The following DUOX2 variants were observed in gnomAD, a reference collection of about 807,000 sequenced individuals.
DUOX2 encodes dual oxidase 2.
A neutral mutation model predicts 183.3 loss-of-function variants in DUOX2; 185 were observed. That is an observed-to-expected ratio of 1.01 (90% confidence interval 0.90 to 1.14). The LOEUF is 1.14. Ranked by LOEUF, DUOX2 falls within the 50% of genes most tolerant of loss-of-function variation. The pLI, the probability that DUOX2 is intolerant of heterozygous loss-of-function variation, is 0.00. For synonymous variants in DUOX2, 788 were observed against 812.4 expected, an observed-to-expected ratio of 0.97 and a Z score of 0.51; for missense variants, 1,999 against 2,022.9, an observed-to-expected ratio of 0.99 and a Z score of 0.23.
chr15:45,095,821 C>T lies in DUOX2; in HGVS notation c.4080+7G>A, dbSNP rs115310278. 1.5e-3 allele frequency: 2,376 copies of T among 1,611,952 alleles called. 14 individuals carry two copies. The African/African-American group carries it at 0.023, about 15-fold the overall frequency. ...GGCCCGGAAGCAGGGTTCCCAGTGACGGGCACCTTTGGGTATCCAGCACAG... is the reference window on the plus strand; with the variant it reads ...GGCCCGGAAGCAGGGTTCCCAGTGATGGGCACCTTTGGGTATCCAGCACAG... On this transcript the variant is annotated splice_region_variant and intron_variant, in intron 30 of 33. Transcript: ENST00000389039.
chr15:45,097,687 G>C lies in DUOX2; in HGVS notation c.3620C>G (p.Ser1207Cys), dbSNP rs1185812642. 1.9e-6 allele frequency: 3 copies of C among 1,614,196 alleles called. No homozygotes were observed. Among genetic ancestry groups the C allele is most frequent in the African/African-American group, 1.3e-5 (1 of 75,042 alleles). Residue 1207 changes from serine (S) to cysteine (C), a missense_variant, in exon 28 of 34, where the codon TCC becomes TGC. Ser to Cys is a moderately radical substitution (Grantham distance 112). This residue lies in a region of DUOX2 where 1,628 missense variants were observed against 1,608.6 expected (regional missense o/e 1.01). Transcript: ENST00000389039. ...LVLAIMYVFA[S>C]HHFRRRSFRG... ...GAAGCTGCGGCGGCGGAAGTGGTGG[G>C]AGGCGAAGACATACATGATGGCCAG...
At chr15:45,109,668 A>G in intron 10 of DUOX2, 42 bp from the exon 11 acceptor site, 1 of 1,600,196 alleles carries the variant, frequency 6.2e-7, no homozygotes, top group Non-Finnish European at 8.6e-7. Context: ...TCTACCCAAA[A>G]CTCGGTCTCT....
intron 15 of DUOX2, 54 bp from the exon 16 acceptor site, chr15:45,106,695 C>A: frequency 6.2e-7 from 1 of 1,610,804 alleles, no homozygotes; most frequent in Middle Eastern, 1.7e-4. Context: ...TAGAGCTCCA[C>A]TGTGGCTTAG....
At chr15:45,095,656 C>T (rs558245016) in intron 30 of DUOX2, 61 bp from the exon 31 acceptor site, 180 of 1,610,614 alleles carry the variant, frequency 1.1e-4, no homozygotes, top group African/African-American at 1.7e-4. Flanking sequence ...AGACCAGAAA[C>T]GGAGACACAG....
intron 31 of DUOX2, 145 bp downstream of exon 31, chr15:45,095,292 G>A: frequency 1.4e-6 from 2 of 1,434,944 alleles, no homozygotes; most frequent in South Asian, 1.2e-5. Context: ...CTCCCTCCAA[G>A]TTTGGCATCT....
intron 29 of DUOX2, among the ~76,000 whole-genome samples, chr15:45,096,330 C>T (rs1032358384): frequency 1.3e-5 from 2 of 152,116 alleles, no homozygotes; most frequent in Non-Finnish European, 2.9e-5. Flanking sequence ...ATACCACTGC[C>T]TTGAATACCA....
chr15:45,109,713 G>C, intron 10 of DUOX2, 87 bp from the exon 11 acceptor site: 2 of 1,446,074 alleles, frequency 1.4e-6, no homozygotes, highest in Non-Finnish European at 1.9e-6. Flanking sequence ...CCAGGACAAA[G>C]GGCCCTTGGC....
Position 45,108,094 on chromosome 15 carries a change from T to A in DUOX2, c.1527A>T (p.Val509=). The A allele has an allele frequency of 1.9e-6, 3 of 1,614,018 alleles. No individual in the cohort carries two copies. Among genetic ancestry groups the A allele is most frequent in the African/African-American group, 1.3e-5 (1 of 75,004 alleles). Residue 509 remains valine, a synonymous_variant, in exon 13 of 34, where the codon GTA becomes GTT. Transcript: ENST00000389039. The stretch of plus-strand genomic sequence containing the variant: ...AGTAGCGGTCACCATCCCGCAGCCG[T>A]ACAAACTGGTCGAGGACAATGGCAC... ...LFSAIVLDQF[V]RLRDGDRYWF... is the part of the protein sequence containing the mutation.
At chr15:45,109,310 A>G (rs1894314632) in intron 11 of DUOX2, 1 of 609,700 alleles carries the variant, frequency 1.6e-6, no homozygotes, top group African/African-American at 1.9e-5. Context: ...ATACTCAGAC[A>G]TAGTTAATTT....
chr15:45,112,063 G>T, intron 4 of DUOX2, 108 bp from the exon 5 acceptor site: 1 of 1,336,366 alleles, frequency 7.5e-7, no homozygotes, highest in Non-Finnish European at 1.0e-6. Context: ...AGGTCCCAGT[G>T]CCAGCTCCGC....
Position 45,101,223 on chromosome 15 carries a change from G to C in DUOX2, c.2903C>G (p.Thr968Ser), listed in dbSNP as rs1219527413. 8 of 1,613,708 alleles carry C rather than the reference G, an allele frequency of 5.0e-6. No homozygotes were observed. The highest frequency in any genetic ancestry group is 6.8e-6 in the Non-Finnish European group (8 of 1,179,950). The change falls in exon 22 of 34, where the codon ACT becomes AGT. Residue 968 changes from threonine (T) to serine (S), a missense_variant. Thr to Ser is a moderately conservative substitution (Grantham distance 58, BLOSUM62 1). This residue lies in a region of DUOX2 where 1,628 missense variants were observed against 1,608.6 expected (regional missense o/e 1.01). Coordinates refer to ENST00000389039, the MANE Select transcript of DUOX2 (RefSeq NM_001363711.2). ...QNISCRVSFI[T>S]RTPGERSHPQ... is the part of the protein sequence containing the mutation. ...TGCTCACCGCTCCCCAGGTGTCCGA[G>C]TGATGAACGAGACTCGACAGCTGAT... is the stretch of plus-strand genomic sequence containing the variant.
chr15:45,113,232 C>A, intron 2 of DUOX2, 110 bp downstream of exon 2: 3 of 1,461,842 alleles, frequency 2.1e-6, no homozygotes, highest in South Asian at 2.4e-5. Flanking sequence ...CGCTGAGCTG[C>A]ACGGCGAAAT....
chr15:45,109,093 G>A (rs1250630513), intron 11 of DUOX2, 141 bp from the exon 12 acceptor site: 2 of 1,162,122 alleles, frequency 1.7e-6, no homozygotes, highest in Non-Finnish European at 2.5e-6. Flanking sequence ...TGCCCATGCT[G>A]ACCTTGCCTT....
At chr15:45,100,974 G>A (rs1894066808) in intron 22 of DUOX2, 136 bp from the exon 23 acceptor site, 1 of 693,338 alleles carries the variant, frequency 1.4e-6, no homozygotes, top group Non-Finnish European at 2.6e-6. Context: ...GAATTAATAG[G>A]ATCTCATGAT....
intron 27 of DUOX2, 85 bp from the exon 28 acceptor site, chr15:45,097,826 C>T: frequency 6.2e-7 from 1 of 1,605,500 alleles, no homozygotes; most frequent in South Asian, 1.1e-5. Flanking sequence ...CCTATCCTTC[C>T]CTCCTTCCTC....
chr15:45,109,352 G>T, intron 11 of DUOX2, 172 bp downstream of exon 11: 1 of 611,872 alleles, frequency 1.6e-6, no homozygotes, highest in African/African-American at 2.1e-5. Flanking sequence ...TGTAAATTAA[G>T]CAAAAAAAAA....
In DUOX2 at chr15:45,094,482, C is replaced by T. The variant is rs1231271413; in HGVS notation, c.4524+81G>A. 55 of 1,560,316 alleles carry T rather than the reference C, an allele frequency of 3.5e-5. No individual in the cohort carries two copies. The East Asian group carries it at 1.2e-3, about 35-fold the overall frequency. ...ATCGGGTGGAGTTCTCTGCTCAGAA[C>T]AGAGTGGCAGGGTGCTTCAGGGCCA... is the stretch of plus-strand genomic sequence containing the variant. On this transcript the variant is annotated intron_variant, in intron 33 of 33. Coordinates refer to ENST00000389039, the MANE Select transcript of DUOX2 (RefSeq NM_001363711.2).
In DUOX2 at chr15:45,111,549, T is replaced by C. The variant is rs990939889; in HGVS notation, c.550A>G (p.Ile184Val). The stretch of plus-strand genomic sequence containing the variant: ...CTCCAGGAGTGCGAGGAGCCATAGA[T>C]GGCGCTGCCGTCCAGCCAGCCCGTC... ...QVTGWLDGSAIYGSSHSWSDA... is the reference protein window; with the variant it reads ...QVTGWLDGSAVYGSSHSWSDA... Residue 184 changes from isoleucine to valine, a missense_variant, in exon 6 of 34, where the codon ATC (isoleucine) becomes GTC (valine). Ile to Val is a conservative substitution (Grantham distance 29). This residue lies in a region of DUOX2 where 356 missense variants were observed against 356.4 expected (regional missense o/e 1.00). Transcript: ENST00000389039. The C allele has an allele frequency of 3.2e-6, 5 of 1,552,850 alleles. No individual in the cohort carries two copies. The highest frequency in any genetic ancestry group is 1.9e-5 in the Admixed American group (1 of 52,534).
intron 5 of DUOX2, 47 bp downstream of exon 5, chr15:45,111,721 C>T (rs772423932): frequency 1.3e-6 from 2 of 1,493,306 alleles, no homozygotes; most frequent in Non-Finnish European, 1.8e-6. Flanking sequence ...AGCCCAGGCC[C>T]CACCTGGCTG....
Sources: gnomAD v4.1 joint callset for allele counts (sites outside exome capture counted in the v4.1 genomes callset) on GRCh38, gnomAD v4.1.1 for gene constraint, gnomAD v4.1.1 regional missense constraint, MANE v1.5 for transcripts, NCBI Gene and HGNC (gene_info 2026-07-23, HGNC 2026-07-21) for gene names.